The following DACH1 variants were observed in gnomAD, a reference collection of about 807,000 sequenced individuals.
DACH1 encodes the protein dachshund homolog 1.
In DACH1, 12 loss-of-function variants were observed where a neutral mutation model predicts 54.2. That is an observed-to-expected ratio of 0.22 (90% CI 0.14 to 0.36). The LOEUF (loss-of-function observed/expected upper bound fraction) is 0.36, where lower values mean the gene tolerates loss of function less well. DACH1 is among the 10% of genes least tolerant of loss of function. The pLI, the probability that DACH1 is intolerant of heterozygous loss-of-function variation, is 1.00. For synonymous variants in DACH1, 386 were observed against 366.2 expected (o/e 1.05, Z -0.62); for missense variants, 805 against 929.8 (o/e 0.87, Z 1.75).
chr13:71,805,192 G>C (rs1381378092), intron 1 of DACH1, among the ~76,000 whole-genome samples: 1 of 152,118 alleles, frequency 6.6e-6, no homozygotes, highest in South Asian at 2.1e-4. Flanking sequence ...ACCTTACAAA[G>C]GTTTATACAT....
At chr13:71,496,003 C>A (rs1397380020) in intron 6 of DACH1, among the ~76,000 whole-genome samples, 1 of 151,864 alleles carries the variant, frequency 6.6e-6, no homozygotes, top group South Asian at 2.1e-4. Flanking sequence ...GAGTCCCAGG[C>A]AGGTGGATCA....
chr13:71,865,172 A>C (rs1402889415), intron 1 of DACH1, among the ~76,000 whole-genome samples: 3 of 151,842 alleles, frequency 2.0e-5, no homozygotes, highest in Non-Finnish European at 1.5e-5. Flanking sequence ...TCCTTTGCAC[A>C]CGCACTCGCT....
chr13:71,475,868 A>T lies in DACH1; in HGVS notation c.1871-19T>A. The T allele has an allele frequency of 6.7e-7, 1 of 1,487,374 alleles. No homozygotes were observed. Among genetic ancestry groups the T allele is most frequent in the Non-Finnish European group, 9.0e-7 (1 of 1,116,778 alleles). The allele number at this position is 1,487,374 out of a possible 1,614,324, so 92.1% of individuals were successfully genotyped here. ...ACTATGGCTAAAAAAGAGTGTATGC[A>T]TATTATTATTATTATTTTTAAATTT... On this transcript the variant is annotated intron_variant, in intron 8 of 10. Coordinates refer to ENST00000613252, the MANE Select transcript of DACH1 (RefSeq NM_080759.6).
chr13:71,811,001 T>C (rs1207739763), intron 1 of DACH1, among the ~76,000 whole-genome samples: 1 of 152,132 alleles, frequency 6.6e-6, no homozygotes, highest in East Asian at 1.9e-4. Context: ...GAACATTTTT[T>C]TTCAATAATA....
intron 10 of DACH1, among the ~76,000 whole-genome samples, chr13:71,465,692 A>C (rs1336745463): frequency 1.3e-5 from 2 of 152,104 alleles, no homozygotes; most frequent in African/African-American, 4.8e-5. Flanking sequence ...TCAAAGCAAA[A>C]CCTTATAAAT....
Position 71,493,371 on chromosome 13 carries a change from C to T in DACH1, c.1571-4223G>A, listed in dbSNP as rs190470720. The stretch of plus-strand genomic sequence containing the variant: ...TCCTAACCAGTTAAAGCATTAATGG[C>T]TGCAGCCCTGGCTGACAGGTTGATT... On this transcript the variant is annotated intron_variant, in intron 6 of 10. Coordinates refer to ENST00000613252, the MANE Select transcript of DACH1 (RefSeq NM_080759.6). Among the ~76,000 whole-genome samples the T allele has an allele frequency of 1.0e-3, 157 of 152,202 alleles. 1 individual carries two copies. Among genetic ancestry groups the T allele is most frequent in the Non-Finnish European group, 1.6e-3 (111 of 68,016 alleles).
intron 3 of DACH1, among the ~76,000 whole-genome samples, chr13:71,588,566 T>C (rs1873446141): frequency 6.6e-6 from 1 of 152,030 alleles, no homozygotes; most frequent in African/African-American, 2.4e-5. Context: ...AATATCATAT[T>C]AGACAATTTC....
At chr13:71,812,495 G>C (rs141143577) in intron 1 of DACH1, among the ~76,000 whole-genome samples, 181 of 146,720 alleles carry the variant, frequency 1.2e-3, no homozygotes, top group African/African-American at 4.4e-3. Context: ...CAGGTCAAAG[G>C]TGGTTAGAGG....
At chr13:71,601,768 AT>A (rs1874511076) in intron 3 of DACH1, among the ~76,000 whole-genome samples, 1 of 152,024 alleles carries the variant, frequency 6.6e-6, no homozygotes, top group African/African-American at 2.4e-5. Flanking sequence ...TACATTTCAC[AT>A]TTTTGAAACT....
rs1877822101 is a variant in DACH1 at position 71,479,151 on chromosome 13, C to T, written c.1870+18G>A. Reference sequence around the variant, plus strand: ...TATTTTCTGTAAATATTTAACTTATCTGGAAATTTGGAAATACCTCTATTC... The same window carrying T: ...TATTTTCTGTAAATATTTAACTTATTTGGAAATTTGGAAATACCTCTATTC... On this transcript the variant is annotated intron_variant, in intron 8 of 10. Coordinates refer to ENST00000613252, the MANE Select transcript of DACH1 (RefSeq NM_080759.6). 1.3e-6 allele frequency: 2 copies of T among 1,587,618 alleles called. No individual in the cohort carries two copies.
chr13:71,757,563 G>A (rs962587168), intron 1 of DACH1, among the ~76,000 whole-genome samples: 15 of 142,582 alleles, frequency 1.1e-4, no homozygotes, highest in Admixed American at 5.2e-4. Context: ...TTGCTCTGTC[G>A]CCCAGGCTGG....
chr13:71,440,813 A>ATCT, intron 10 of DACH1, 121 bp from the exon 11 acceptor site: 1 of 720,010 alleles, frequency 1.4e-6, no homozygotes, highest in Non-Finnish European at 2.3e-6. Flanking sequence ...CTTGGTTAAG[A>ATCT]AGTAACATTT....
chr13:71,609,410 G>A (rs1290023258), intron 3 of DACH1, among the ~76,000 whole-genome samples: 4 of 152,134 alleles, frequency 2.6e-5, no homozygotes, highest in Non-Finnish European at 5.9e-5. Context: ...CTGGTGCTGT[G>A]TACATACTAT....
At position 71,542,301 on chromosome 13, in the gene DACH1, A is replaced by C. The variant is rs565830997; in HGVS notation, c.1570+14723T>G. Among the ~76,000 whole-genome samples the C allele has an allele frequency of 3.3e-5, 5 of 152,154 alleles. No homozygotes were observed. The South Asian group carries it at 1.0e-3, about 32-fold the overall frequency. ...TACATACATACATACTTGAAAAATA[A>C]AATAAAAAACAAAGTTCAAAGTTGT... On this transcript the variant is annotated intron_variant, in intron 6 of 10. Transcript: ENST00000613252.
At chr13:71,784,267 C>T (rs1886504324) in intron 1 of DACH1, among the ~76,000 whole-genome samples, 1 of 151,974 alleles carries the variant, frequency 6.6e-6, no homozygotes. Context: ...CAAGATAGTA[C>T]CTGTTCCATG....
At chr13:71,672,995 C>T (rs1201684713) in intron 2 of DACH1, among the ~76,000 whole-genome samples, 1 of 152,078 alleles carries the variant, frequency 6.6e-6, no homozygotes, top group Non-Finnish European at 1.5e-5. Context: ...TGCAGTTACT[C>T]AATTAAGGAC....
intron 1 of DACH1, among the ~76,000 whole-genome samples, chr13:71,708,804 A>T (rs1594121782): frequency 6.7e-6 from 1 of 148,618 alleles, no homozygotes; most frequent in African/African-American, 2.5e-5. Flanking sequence ...GTTGCTTATG[A>T]TTATTACTTT....
intron 6 of DACH1, among the ~76,000 whole-genome samples, chr13:71,554,832 G>C (rs1451714520): frequency 6.6e-6 from 1 of 152,030 alleles, no homozygotes; most frequent in African/African-American, 2.4e-5. Context: ...CTCCACAGTG[G>C]CAAAATTATA....
chr13:71,530,553 G>A (rs768023454), intron 6 of DACH1, among the ~76,000 whole-genome samples: 8 of 152,212 alleles, frequency 5.3e-5, no homozygotes, highest in Non-Finnish European at 1.0e-4. Context: ...GAAGAAGTGA[G>A]CTTGCAGCCC....
Sources: gnomAD v4.1 joint callset for allele counts (sites outside exome capture counted in the v4.1 genomes callset) on GRCh38, gnomAD v4.1.1 for gene constraint, MANE v1.5 for transcripts, NCBI Gene and HGNC (gene_info 2026-07-23, HGNC 2026-07-21) for gene names.